The following ESR1 variants were observed in gnomAD, a reference collection of about 807,000 sequenced individuals.
The protein encoded by ESR1 is estrogen receptor 1.
ESR1 carries 12 observed loss-of-function variants against 52.7 expected under a neutral mutation model. The ratio of observed to expected loss-of-function variants is 0.23; its 90% CI spans 0.15 to 0.37. The LOEUF (loss-of-function observed/expected upper bound fraction) is 0.37, where lower values mean the gene tolerates loss of function less well. Ranked by LOEUF, ESR1 falls within the 10% of genes least tolerant of loss-of-function variation. The pLI, the probability that ESR1 is intolerant of heterozygous loss-of-function variation, is 1.00. For missense variants in ESR1, 584 were observed against 779.7 expected, an observed-to-expected ratio of 0.75 and a Z score of 2.99; for synonymous variants, 305 against 316.8, an observed-to-expected ratio of 0.96 and a Z score of 0.39.
chr6:151,961,746 G>A (rs778730841), intron 4 of ESR1, among the ~76,000 whole-genome samples: 5 of 152,108 alleles, frequency 3.3e-5, no homozygotes, highest in African/African-American at 4.8e-5. Flanking sequence ...AGGTCAAAGC[G>A]GCAAGAGTAG....
At position 151,842,581 on chromosome 6, in the gene ESR1, G is replaced by A. The variant is rs866117891; in HGVS notation, c.453-16G>A. 77 of 1,610,482 alleles carry A rather than the reference G, an allele frequency of 4.8e-5. No homozygotes were observed. In the Middle Eastern group the frequency reaches 8.4e-4, roughly 17 times the overall value. ...CTTTTCTAATGTTAATGGATTTACT[G>A]TTTTTTTCCCCCCAGGCCAAATTCA... On this transcript the variant is annotated splice_polypyrimidine_tract_variant and intron_variant, in intron 1 of 7. Transcript: ENST00000206249.
At chr6:151,984,720 A>G (rs1471667480) in intron 4 of ESR1, among the ~76,000 whole-genome samples, 1 of 152,184 alleles carries the variant, frequency 6.6e-6, no homozygotes, top group African/African-American at 2.4e-5. Context: ...TCTTATAGAC[A>G]GATTCTGCTT....
At chr6:151,956,745 T>G (rs979699646) in intron 4 of ESR1, among the ~76,000 whole-genome samples, 1 of 149,828 alleles carries the variant, frequency 6.7e-6, no homozygotes, top group Non-Finnish European at 1.5e-5. Context: ...AAAACAACCC[T>G]TCTCCTTTCT....
chr6:152,047,180 T>A (rs184011988), intron 5 of ESR1, among the ~76,000 whole-genome samples: 2 of 152,124 alleles, frequency 1.3e-5, no homozygotes, highest in East Asian at 3.9e-4. Context: ...TTGGAGATCA[T>A]CTCATCCATG....
At chr6:151,808,638 G>A (rs1167355087) in intron 1 of ESR1, among the ~76,000 whole-genome samples, 1 of 152,160 alleles carries the variant, frequency 6.6e-6, no homozygotes, top group Non-Finnish European at 1.5e-5. Context: ...GAAAGCCCGG[G>A]CTTCCTAACA....
At chr6:151,783,492 T>G (rs770427489) in intron 2 of ESR1, among the ~76,000 whole-genome samples, 6 of 152,160 alleles carry the variant, frequency 3.9e-5, no homozygotes, top group Non-Finnish European at 7.3e-5. Context: ...TAATACAGAG[T>G]GGTGCTACAA....
At chr6:152,074,848 G>A (rs914037722) in intron 6 of ESR1, among the ~76,000 whole-genome samples, 1 of 152,142 alleles carries the variant, frequency 6.6e-6, no homozygotes, top group Non-Finnish European at 1.5e-5. Context: ...ATCACATGGA[G>A]CATCTTTTAA....
chr6:151,874,515 A>C (rs565429937), intron 2 of ESR1, among the ~76,000 whole-genome samples: 14 of 152,214 alleles, frequency 9.2e-5, no homozygotes, highest in African/African-American at 3.4e-4. Flanking sequence ...ACTACACCAC[A>C]TACTTATGGC....
At chr6:151,746,940 G>A (rs896179806) in intron 2 of ESR1, among the ~76,000 whole-genome samples, 5 of 152,148 alleles carry the variant, frequency 3.3e-5, no homozygotes, top group African/African-American at 7.2e-5. Flanking sequence ...ATTAATATAC[G>A]CAACATGCCG....
intron 5 of ESR1, among the ~76,000 whole-genome samples, chr6:152,036,771 A>C (rs761740467): frequency 9.2e-5 from 14 of 152,222 alleles, no homozygotes; most frequent in Non-Finnish European, 1.5e-4. Flanking sequence ...TAAGACTCAA[A>C]AGCATTTCAA....
intron 1 of ESR1, among the ~76,000 whole-genome samples, chr6:151,657,580 T>C (rs1777498099): frequency 6.6e-6 from 1 of 152,170 alleles, no homozygotes; most frequent in South Asian, 2.1e-4. Flanking sequence ...CAAAATGTAT[T>C]GGGTGAAATT....
chr6:151,956,843 A>AATAAATAAAT (rs1554293623), intron 4 of ESR1, among the ~76,000 whole-genome samples: 1 of 44,466 alleles, frequency 2.2e-5, no homozygotes, highest in East Asian at 3.3e-4. Context: ...AATATAAATA[A>AATAAATAAAT]ATATATATAT....
intron 2 of ESR1, among the ~76,000 whole-genome samples, chr6:151,863,659 G>A (rs1482653820): frequency 6.6e-6 from 1 of 152,040 alleles, no homozygotes; most frequent in Non-Finnish European, 1.5e-5. Flanking sequence ...TAATTGCCCT[G>A]TCCAGAACTT....
chr6:151,840,077 T>G (rs1342870370), intron 1 of ESR1, among the ~76,000 whole-genome samples: 1 of 152,214 alleles, frequency 6.6e-6, no homozygotes, highest in African/African-American at 2.4e-5. Context: ...TATTCCTTCA[T>G]TCATTCAACA....
At chr6:151,774,055 A>T (rs1198446655) in intron 2 of ESR1, among the ~76,000 whole-genome samples, 1 of 152,224 alleles carries the variant, frequency 6.6e-6, no homozygotes, top group Non-Finnish European at 1.5e-5. Flanking sequence ...GAGTTGGAAG[A>T]AGTTAGATTA....
At chr6:151,981,956 G>A (rs1212640517) in intron 4 of ESR1, among the ~76,000 whole-genome samples, 3 of 152,214 alleles carry the variant, frequency 2.0e-5, no homozygotes, top group Non-Finnish European at 4.4e-5. Flanking sequence ...AGACAAATAA[G>A]GTTCATTTTC....
intron 3 of ESR1, among the ~76,000 whole-genome samples, chr6:151,933,921 G>C (rs1355189211): frequency 6.6e-6 from 1 of 152,110 alleles, no homozygotes; most frequent in African/African-American, 2.4e-5. Flanking sequence ...AACTTATTTT[G>C]TAACTTTTGA....
chr6:152,072,026 TATC>T (rs1208316182), intron 6 of ESR1, among the ~76,000 whole-genome samples: 1 of 152,224 alleles, frequency 6.6e-6, no homozygotes. Flanking sequence ...AATGTAACCT[TATC>T]ATGCAATGCG....
At chr6:152,085,420 C>T (rs2049624405) in intron 6 of ESR1, among the ~76,000 whole-genome samples, 1 of 152,132 alleles carries the variant, frequency 6.6e-6, no homozygotes, top group East Asian at 1.9e-4. Flanking sequence ...AAAGTTTGGA[C>T]TCTATGGATC....
Sources: gnomAD v4.1 joint callset for allele counts (sites outside exome capture counted in the v4.1 genomes callset) on GRCh38, gnomAD v4.1.1 for gene constraint, MANE v1.5 for transcripts, NCBI Gene and HGNC (gene_info 2026-07-23, HGNC 2026-07-21) for gene names.